The following RPS6KC1 variants were observed in gnomAD, a reference collection of about 807,000 sequenced individuals.
RPS6KC1 encodes the protein ribosomal protein S6 kinase C1, also known as inactive ribosomal protein S6 kinase delta-1.
RPS6KC1 carries 54 observed loss-of-function variants against 103.8 expected under a neutral mutation model. The ratio of observed to expected loss-of-function variants is 0.52; its 90% CI spans 0.42 to 0.65. The LOEUF is 0.65. RPS6KC1 is among the 30% of genes least tolerant of loss of function. The pLI is 0.00. For missense variants in RPS6KC1, 1,151 were observed against 1,253.8 expected (o/e 0.92, Z 1.24); for synonymous variants, 439 against 438.7 (o/e 1.00, Z -0.01).
the RPS6KC1 span, among the ~76,000 whole-genome samples, chr1:213,507,265 C>A: frequency 6.6e-6 from 1 of 152,110 alleles, no homozygotes; most frequent in Admixed American, 6.5e-5. Flanking sequence ...CCCGCAGGGC[C>A]AACCTGAGCA....
intron 10 of RPS6KC1, among the ~76,000 whole-genome samples, chr1:213,238,157 A>G (rs559849531): frequency 1.3e-5 from 2 of 152,312 alleles, no homozygotes; most frequent in Admixed American, 6.5e-5. Flanking sequence ...TATGATGTAA[A>G]TGTCATAAGG....
chr1:213,393,733 A>G, the RPS6KC1 span, among the ~76,000 whole-genome samples: 2 of 152,190 alleles, frequency 1.3e-5, no homozygotes, highest in African/African-American at 4.8e-5. Flanking sequence ...AGGAGCCAGA[A>G]GGTAGGAAAT....
the RPS6KC1 span, among the ~76,000 whole-genome samples, chr1:213,619,788 A>C: frequency 2.6e-5 from 4 of 152,222 alleles, no homozygotes; most frequent in Non-Finnish European, 5.9e-5. Context: ...CCATATATGC[A>C]ATTGACATTT....
the RPS6KC1 span, among the ~76,000 whole-genome samples, chr1:213,787,323 C>A: frequency 1.4e-4 from 21 of 151,796 alleles, no homozygotes; most frequent in Admixed American, 1.1e-3. Context: ...AAAGTGAAAG[C>A]TAACATAAAA....
chr1:213,602,312 C>T, the RPS6KC1 span, among the ~76,000 whole-genome samples: 1 of 143,610 alleles, frequency 7.0e-6, no homozygotes, highest in Non-Finnish European at 1.5e-5. Context: ...TGGCTCACTG[C>T]AACCTCTGCC....
chr1:213,690,623 C>T, the RPS6KC1 span, among the ~76,000 whole-genome samples: 1 of 152,134 alleles, frequency 6.6e-6, no homozygotes, highest in Non-Finnish European at 1.5e-5. Context: ...TGTTTTTAGA[C>T]CTTGGGCTTT....
At chr1:213,565,813 G>T in the RPS6KC1 span, among the ~76,000 whole-genome samples, 1 of 151,968 alleles carries the variant, frequency 6.6e-6, no homozygotes, top group African/African-American at 2.4e-5. Flanking sequence ...AAACCTGTAG[G>T]CTGGGCATGG....
At chr1:213,203,509 C>A (rs1420204771) in intron 8 of RPS6KC1, among the ~76,000 whole-genome samples, 1 of 151,636 alleles carries the variant, frequency 6.6e-6, no homozygotes, top group South Asian at 2.1e-4. Context: ...TTATGAAATG[C>A]CTGTTTTAAG....
chr1:213,134,589 G>A (rs978485656), intron 6 of RPS6KC1, among the ~76,000 whole-genome samples: 1 of 152,102 alleles, frequency 6.6e-6, no homozygotes, highest in Non-Finnish European at 1.5e-5. Context: ...TTCTTGGGTA[G>A]ATATGTGCTA....
chr1:213,179,035 G>T (rs933486190), intron 8 of RPS6KC1, among the ~76,000 whole-genome samples: 3 of 152,032 alleles, frequency 2.0e-5, no homozygotes, highest in Non-Finnish European at 4.4e-5. Context: ...TTTCTTAGTA[G>T]AGATAAGGGA....
At chr1:213,678,863 C>A in the RPS6KC1 span, among the ~76,000 whole-genome samples, 4 of 152,338 alleles carry the variant, frequency 2.6e-5, no homozygotes, top group East Asian at 5.8e-4. Flanking sequence ...TCCTCCTTAG[C>A]AAGTTGTCCT....
chr1:213,107,394 A>G (rs1212824653), intron 4 of RPS6KC1, among the ~76,000 whole-genome samples: 2 of 152,170 alleles, frequency 1.3e-5, no homozygotes, highest in Non-Finnish European at 2.9e-5. Context: ...TACACAATAT[A>G]TGTAGCGTTT....
the RPS6KC1 span, chr1:213,492,696 G>T: frequency 6.6e-6 from 1 of 152,222 alleles, no homozygotes; most frequent in Non-Finnish European, 1.5e-5. Context: ...GTTTCTGAGC[G>T]CTCCTGTGCT....
the RPS6KC1 span, among the ~76,000 whole-genome samples, chr1:213,289,644 C>T: frequency 6.6e-6 from 1 of 152,176 alleles, no homozygotes; most frequent in South Asian, 2.1e-4. Flanking sequence ...GAAAAAGGGA[C>T]ATTTCATTTT....
intron 4 of RPS6KC1, among the ~76,000 whole-genome samples, chr1:213,112,319 C>A (rs2083102355): frequency 6.6e-6 from 1 of 152,102 alleles, no homozygotes; most frequent in African/African-American, 2.4e-5. Flanking sequence ...TATAGCACAG[C>A]ATCATACCAC....
At chr1:213,284,800 A>G in the RPS6KC1 span, among the ~76,000 whole-genome samples, 1 of 152,182 alleles carries the variant, frequency 6.6e-6, no homozygotes, top group Admixed American at 6.5e-5. Flanking sequence ...GACTAATACC[A>G]AAAAAAGGAA....
chr1:213,808,490 G>C, the RPS6KC1 span, among the ~76,000 whole-genome samples: 71 of 152,348 alleles, frequency 4.7e-4, 1 homozygote, highest in East Asian at 0.011. Context: ...AATGGTGGGT[G>C]CCCCTCCCCC....
the RPS6KC1 span, among the ~76,000 whole-genome samples, chr1:213,325,596 G>C: frequency 1.3e-5 from 2 of 152,188 alleles, no homozygotes; most frequent in Non-Finnish European, 2.9e-5. Context: ...CAACTGCCCT[G>C]GGGGGCCTGA....
chr1:213,632,616 C>A, the RPS6KC1 span, among the ~76,000 whole-genome samples: 2,260 of 152,334 alleles, frequency 0.015, 23 homozygotes, highest in Admixed American at 0.037. Flanking sequence ...GCTGAAAATT[C>A]TAAAAACCAG....
Sources: gnomAD v4.1 joint callset for allele counts (sites outside exome capture counted in the v4.1 genomes callset) on GRCh38, gnomAD v4.1.1 for gene constraint, MANE v1.5 for transcripts, NCBI Gene and HGNC (gene_info 2026-07-23, HGNC 2026-07-21) for gene names.